The following AGBL4 variants were observed in gnomAD, a reference collection of about 807,000 sequenced individuals.
AGBL4 encodes the protein AGBL carboxypeptidase 4, also known as cytosolic carboxypeptidase 6.
Under a neutral mutation model 66.4 loss-of-function variants are expected in AGBL4, and 58 were observed. The ratio of observed to expected loss-of-function variants is 0.87; its 90% CI spans 0.71 to 1.09. The LOEUF (loss-of-function observed/expected upper bound fraction) is 1.09, where lower values mean the gene tolerates loss of function less well. Among genes scored for constraint, AGBL4 ranks in the 50% least tolerant of loss-of-function variants. The probability of loss-of-function intolerance (pLI) is 0.00; values close to 1 mark genes in which losing one functional copy is unlikely to be tolerated. For synonymous variants in AGBL4, 234 were observed against 222.9 expected, an observed-to-expected ratio of 1.05 and a Z score of -0.44; for missense variants, 579 against 631.0, an observed-to-expected ratio of 0.92 and a Z score of 0.88.
chr1:50,012,269 C>A (rs577701372), intron 1 of AGBL4, among the ~76,000 whole-genome samples: 1 of 150,764 alleles, frequency 6.6e-6, no homozygotes, highest in South Asian at 2.1e-4. Flanking sequence ...AGACCTACCA[C>A]AAGACCTGCT....
At chr1:48,958,638 C>T (rs1657699883) in intron 5 of AGBL4, among the ~76,000 whole-genome samples, 1 of 152,292 alleles carries the variant, frequency 6.6e-6, no homozygotes, top group South Asian at 2.1e-4. Flanking sequence ...TTTGGAGTGC[C>T]TTTCTTGAAA....
At chr1:49,661,419 T>A (rs1451418442) in intron 3 of AGBL4, among the ~76,000 whole-genome samples, 2 of 152,086 alleles carry the variant, frequency 1.3e-5, no homozygotes, top group Non-Finnish European at 2.9e-5. Flanking sequence ...ATCCTTGTGG[T>A]AATGAGTGAG....
chr1:48,787,757 A>G (rs142506225), intron 6 of AGBL4, among the ~76,000 whole-genome samples: 19 of 152,208 alleles, frequency 1.2e-4, no homozygotes, highest in Non-Finnish European at 2.4e-4. Flanking sequence ...TAATCAGTTA[A>G]GGGCGAGGCA....
chr1:49,846,345 A>G, intron 2 of AGBL4: 1 of 1,533,432 alleles, frequency 6.5e-7, no homozygotes, highest in Non-Finnish European at 9.0e-7. Context: ...GACTATGGAA[A>G]GACCTTTACA....
chr1:49,629,336 A>C (rs550408788), intron 3 of AGBL4, among the ~76,000 whole-genome samples: 1 of 152,260 alleles, frequency 6.6e-6, no homozygotes, highest in African/African-American at 2.4e-5. Context: ...TTCCCCCAAC[A>C]TGGCAGGATA....
chr1:48,614,305 T>G (rs190152325), intron 9 of AGBL4, among the ~76,000 whole-genome samples: 42 of 152,344 alleles, frequency 2.8e-4, no homozygotes, highest in Admixed American at 2.4e-3. Flanking sequence ...ACCAATGACC[T>G]TGGGGAAGTC....
intron 5 of AGBL4, among the ~76,000 whole-genome samples, chr1:48,967,412 T>C (rs1465177248): frequency 2.6e-5 from 4 of 152,194 alleles, no homozygotes; most frequent in Non-Finnish European, 4.4e-5. Flanking sequence ...TGTTAATATG[T>C]CAAGCATTAA....
intron 6 of AGBL4, among the ~76,000 whole-genome samples, chr1:48,851,842 A>G (rs1647038786): frequency 6.6e-6 from 1 of 152,080 alleles, no homozygotes. Flanking sequence ...TTGCATGGCA[A>G]ATGCCAAACA....
chr1:48,887,539 A>T (rs1248387308), intron 5 of AGBL4, among the ~76,000 whole-genome samples: 3 of 152,182 alleles, frequency 2.0e-5, no homozygotes, highest in African/African-American at 7.2e-5. Context: ...TGGGAGAAGC[A>T]TTATAAACCC....
intron 9 of AGBL4, among the ~76,000 whole-genome samples, chr1:48,633,026 A>T (rs1460494515): frequency 6.6e-6 from 1 of 152,158 alleles, no homozygotes; most frequent in African/African-American, 2.4e-5. Context: ...CTGCATATGG[A>T]TTTGGTGAGC....
intron 8 of AGBL4, among the ~76,000 whole-genome samples, chr1:48,649,818 T>A (rs755408544): frequency 3.7e-4 from 57 of 152,226 alleles, no homozygotes; most frequent in Non-Finnish European, 6.3e-4. Context: ...AATGTTTATT[T>A]ATAACTTACA....
intron 11 of AGBL4, among the ~76,000 whole-genome samples, chr1:48,563,911 A>G (rs531706089): frequency 1.5e-4 from 23 of 152,322 alleles, no homozygotes; most frequent in African/African-American, 4.8e-4. Flanking sequence ...CACACTGACA[A>G]CTGGATTTCC....
At chr1:49,902,345 C>A (rs1166442964) in intron 1 of AGBL4, among the ~76,000 whole-genome samples, 1 of 152,168 alleles carries the variant, frequency 6.6e-6, no homozygotes, top group Non-Finnish European at 1.5e-5. Flanking sequence ...AAGCAAAATA[C>A]AAACAACCCC....
intron 2 of AGBL4, among the ~76,000 whole-genome samples, chr1:49,811,046 G>C (rs1444112704): frequency 2.6e-5 from 4 of 152,180 alleles, no homozygotes; most frequent in Non-Finnish European, 5.9e-5. Flanking sequence ...AAAGAGTTAA[G>C]TGGGAGAAGA....
chr1:48,581,597 CA>C (rs1249453202), intron 11 of AGBL4, among the ~76,000 whole-genome samples: 1 of 152,148 alleles, frequency 6.6e-6, no homozygotes, highest in Non-Finnish European at 1.5e-5. Context: ...TATTACTTGG[CA>C]GGCCAGTAAA....
At chr1:49,310,794 C>A (rs922453164) in intron 3 of AGBL4, among the ~76,000 whole-genome samples, 6 of 151,942 alleles carry the variant, frequency 3.9e-5, no homozygotes, top group East Asian at 1.9e-4. Context: ...ATGTGTCAGG[C>A]ATTATTCTAA....
At chr1:49,150,036 A>G (rs558022155) in intron 4 of AGBL4, among the ~76,000 whole-genome samples, 1 of 152,352 alleles carries the variant, frequency 6.6e-6, no homozygotes, top group African/African-American at 2.4e-5. Flanking sequence ...AAATATAGAC[A>G]CATGAGGTCT....
At chr1:48,908,856 A>G (rs1051363663) in intron 5 of AGBL4, among the ~76,000 whole-genome samples, 3 of 152,092 alleles carry the variant, frequency 2.0e-5, no homozygotes, top group Admixed American at 1.3e-4. Flanking sequence ...TTTGAATGTA[A>G]TCTTTTAAAG....
chr1:49,153,313 C>G (rs992683434), intron 4 of AGBL4, among the ~76,000 whole-genome samples: 1 of 151,992 alleles, frequency 6.6e-6, no homozygotes. Flanking sequence ...TAAGGTTCTG[C>G]TTGAAATTCA....
Sources: gnomAD v4.1 joint callset for allele counts (sites outside exome capture counted in the v4.1 genomes callset) on GRCh38, gnomAD v4.1.1 for gene constraint, MANE v1.5 for transcripts, NCBI Gene and HGNC (gene_info 2026-07-23, HGNC 2026-07-21) for gene names.